PUDP: variants seen among roughly 807,000 people sequenced by gnomAD.
PUDP encodes the protein pseudouridine 5'-phosphatase, also known as pseudouridine-5'-phosphatase.
Under a neutral mutation model 9.4 loss-of-function variants are expected in PUDP, and 8 were observed. The observed-to-expected ratio is 0.85, with a 90% CI of 0.50 to 1.53. PUDP has a LOEUF of 1.53. Ranked by LOEUF, PUDP falls within the 40% of genes most tolerant of loss-of-function variation. PUDP has a pLI of 0.00. For synonymous variants in PUDP, 99 were observed against 80.7 expected, an observed-to-expected ratio of 1.23 and a Z score of -1.22; for missense variants, 188 against 189.7, an observed-to-expected ratio of 0.99 and a Z score of 0.05.
chrX:7,127,626 T>C (rs1932517219), intron 1 of PUDP, among the ~76,000 whole-genome samples: 2 of 112,602 alleles, frequency 1.8e-5, no homozygotes, highest in African/African-American at 3.2e-5. Flanking sequence ...CCAAATCATT[T>C]AGAGGGATGC....
chrX:6,933,264 G>A (rs751768726), intron 3 of PUDP, among the ~76,000 whole-genome samples: 111 of 109,862 alleles, frequency 1.0e-3, no homozygotes, highest in African/African-American at 3.5e-3. Flanking sequence ...ACTTCACATG[G>A]CCGGGTACTC....
intron 3 of PUDP, among the ~76,000 whole-genome samples, chrX:6,943,882 T>G (rs1317615470): frequency 9.0e-6 from 1 of 111,665 alleles, no homozygotes; most frequent in African/African-American, 3.3e-5. Context: ...TTCTCTGCCG[T>G]TCAAGGATTT....
intron 3 of PUDP, among the ~76,000 whole-genome samples, chrX:6,975,806 C>T (rs990833508): frequency 1.9e-4 from 21 of 112,142 alleles, no homozygotes; most frequent in African/African-American, 5.2e-4. Flanking sequence ...CGCCCACAGC[C>T]GCCCCTTCCC....
At chrX:6,770,277 T>C (rs1925342750) in intron 3 of PUDP, among the ~76,000 whole-genome samples, 1 of 112,491 alleles carries the variant, frequency 8.9e-6, no homozygotes, top group Non-Finnish European at 1.9e-5. Flanking sequence ...TGTGGCTGCT[T>C]TTCTTCTACA....
intron 1 of PUDP, among the ~76,000 whole-genome samples, chrX:7,036,144 C>G (rs1241449080): frequency 8.9e-6 from 1 of 112,000 alleles, no homozygotes; most frequent in Non-Finnish European, 1.9e-5. Flanking sequence ...CATCCCTTTT[C>G]CTTTATAAAT....
At chrX:6,882,368 G>A (rs1160190282) in intron 3 of PUDP, among the ~76,000 whole-genome samples, 2 of 111,445 alleles carry the variant, frequency 1.8e-5, no homozygotes, top group African/African-American at 6.5e-5. Context: ...GGGGATACGT[G>A]ACCACAAAAA....
intron 1 of PUDP, among the ~76,000 whole-genome samples, chrX:6,993,096 C>T (rs1212979200): frequency 2.7e-5 from 3 of 111,920 alleles, no homozygotes; most frequent in Non-Finnish European, 5.6e-5. Flanking sequence ...GGTTTTGGGA[C>T]TCAGACTGGC....
chrX:6,876,087 T>A (rs771904198), intron 3 of PUDP, among the ~76,000 whole-genome samples: 1 of 112,531 alleles, frequency 8.9e-6, no homozygotes, highest in East Asian at 2.8e-4. Context: ...TATGATATAT[T>A]GACTTTATAA....
intron 3 of PUDP, among the ~76,000 whole-genome samples, chrX:6,876,736 T>C (rs1336813414): frequency 1.9e-5 from 2 of 105,338 alleles, no homozygotes; most frequent in African/African-American, 6.8e-5. Flanking sequence ...TAGATGCACA[T>C]GTGCATGTAT....
At chrX:6,997,503 C>T (rs1190068816) in intron 1 of PUDP, among the ~76,000 whole-genome samples, 1 of 112,250 alleles carries the variant, frequency 8.9e-6, no homozygotes, top group Non-Finnish European at 1.9e-5. Context: ...ATTTTCCAGC[C>T]TGAATAAGCT....
intron 3 of PUDP, among the ~76,000 whole-genome samples, chrX:6,873,449 A>T (rs1056803107): frequency 5.3e-4 from 59 of 112,261 alleles, no homozygotes; most frequent in African/African-American, 1.8e-3. Context: ...TTCATTCATA[A>T]TGAAACACTG....
intron 3 of PUDP, among the ~76,000 whole-genome samples, chrX:6,765,789 A>G (rs772048273): frequency 8.8e-4 from 98 of 111,860 alleles, no homozygotes; most frequent in African/African-American, 3.0e-3. Context: ...TGCCTGAAAA[A>G]GAAGAGAAAG....
chrX:6,992,611 C>A (rs929577940), intron 1 of PUDP, among the ~76,000 whole-genome samples: 14 of 110,299 alleles, frequency 1.3e-4, no homozygotes, highest in Non-Finnish European at 2.7e-4. Context: ...GCAGAATGAG[C>A]CAAAGGCAGT....
chrX:7,072,813 CAAA>C (rs774767127), intron 3 of PUDP, among the ~76,000 whole-genome samples: 1 of 33,020 alleles, frequency 3.0e-5, no homozygotes, highest in African/African-American at 1.1e-4. Context: ...GACTGTGTCT[CAAA>C]AAAAAAAAAA....
chrX:6,954,500 T>C (rs1171029202), intron 3 of PUDP, among the ~76,000 whole-genome samples: 1 of 111,197 alleles, frequency 9.0e-6, no homozygotes, highest in African/African-American at 3.3e-5. Flanking sequence ...GATGGCTCCG[T>C]GTCAGTCCGT....
At chrX:6,961,325 G>A (rs1011952181) in intron 3 of PUDP, among the ~76,000 whole-genome samples, 1 of 110,558 alleles carries the variant, frequency 9.0e-6, no homozygotes, top group Admixed American at 9.7e-5. Context: ...TGTGAAGACT[G>A]CAGTGAGCCA....
intron 3 of PUDP, among the ~76,000 whole-genome samples, chrX:6,974,035 T>G (rs764120182): frequency 8.9e-6 from 1 of 111,932 alleles, no homozygotes; most frequent in African/African-American, 3.2e-5. Flanking sequence ...CCCCTGCTGT[T>G]TTCTGCTTTC....
At chrX:6,993,104 G>A (rs1380376497) in intron 1 of PUDP, among the ~76,000 whole-genome samples, 1 of 111,791 alleles carries the variant, frequency 8.9e-6, no homozygotes. Flanking sequence ...GACTCAGACT[G>A]GCTTCCTTCC....
chrX:6,870,077 C>T (rs1927150572), intron 3 of PUDP, among the ~76,000 whole-genome samples: 1 of 109,217 alleles, frequency 9.2e-6, no homozygotes, highest in African/African-American at 3.3e-5. Flanking sequence ...ATTGTTCAGG[C>T]TTAAAAAAAA....
Sources: gnomAD v4.1 joint callset for allele counts (sites outside exome capture counted in the v4.1 genomes callset) on GRCh38, gnomAD v4.1.1 for gene constraint, MANE v1.5 for transcripts, NCBI Gene and HGNC (gene_info 2026-07-23, HGNC 2026-07-21) for gene names.